GRIN2B: variants seen among roughly 807,000 people sequenced by gnomAD.
GRIN2B encodes the protein glutamate receptor ionotropic, NMDA 2B.
GRIN2B carries 5 observed loss-of-function variants against 114.5 expected under a neutral mutation model. The ratio of observed to expected loss-of-function variants is 0.04; its 90% CI spans 0.02 to 0.09. GRIN2B has a LOEUF of 0.09. Ranked by LOEUF, GRIN2B falls within the 10% of genes least tolerant of loss-of-function variation. The pLI, the probability that GRIN2B is intolerant of heterozygous loss-of-function variation, is 1.00. For missense variants in GRIN2B, 1,108 were observed against 1,943.5 expected (o/e 0.57, Z 8.08); for synonymous variants, 787 against 745.1 (o/e 1.06, Z -0.92).
At chr12:13,822,785 CCTT>C (rs34061912) in intron 3 of GRIN2B, among the ~76,000 whole-genome samples, 59,160 of 151,580 alleles carry the variant, frequency 0.39, 11,860 homozygotes, top group East Asian at 0.54. Flanking sequence ...AGGAACAAAG[CCTT>C]CTTTTGATCA....
At chr12:13,928,842 C>G (rs1866966612) in intron 2 of GRIN2B, among the ~76,000 whole-genome samples, 1 of 152,226 alleles carries the variant, frequency 6.6e-6, no homozygotes, top group South Asian at 2.1e-4. Context: ...AAAAAGTAGT[C>G]AGTCACTTAA....
chr12:13,579,072 G>A (rs1418557974), intron 10 of GRIN2B, among the ~76,000 whole-genome samples: 1 of 152,188 alleles, frequency 6.6e-6, no homozygotes, highest in Non-Finnish European at 1.5e-5. Context: ...GTGCACTGGG[G>A]CTAAGACTTA....
intron 3 of GRIN2B, among the ~76,000 whole-genome samples, chr12:13,767,084 G>T (rs1220147500): frequency 6.6e-6 from 1 of 151,816 alleles, no homozygotes; most frequent in Admixed American, 6.6e-5. Flanking sequence ...GTGAAACCCC[G>T]TCTCTACTAA....
intron 4 of GRIN2B, among the ~76,000 whole-genome samples, chr12:13,744,329 C>T (rs1184368198): frequency 5.3e-5 from 8 of 152,276 alleles, no homozygotes; most frequent in African/African-American, 1.9e-4. Context: ...AGTGTTTTAT[C>T]CAGTTTTCTT....
chr12:13,674,564 A>C (rs1950053343), intron 5 of GRIN2B, among the ~76,000 whole-genome samples: 1 of 152,028 alleles, frequency 6.6e-6, no homozygotes, highest in African/African-American at 2.4e-5. Flanking sequence ...CTCTGTGATG[A>C]GGTTGTGAAT....
At chr12:13,766,535 C>T (rs904039105) in intron 3 of GRIN2B, among the ~76,000 whole-genome samples, 5 of 152,130 alleles carry the variant, frequency 3.3e-5, no homozygotes, top group Non-Finnish European at 7.4e-5. Flanking sequence ...CCTCTGATAT[C>T]GAGTCTCAGC....
At chr12:13,594,980 C>T (rs1360432801) in intron 10 of GRIN2B, among the ~76,000 whole-genome samples, 1 of 152,178 alleles carries the variant, frequency 6.6e-6, no homozygotes, top group Non-Finnish European at 1.5e-5. Context: ...AACTGTCTGG[C>T]TCACACAGAG....
intron 2 of GRIN2B, among the ~76,000 whole-genome samples, chr12:13,969,843 T>C (rs982667400): frequency 2.0e-5 from 3 of 152,194 alleles, no homozygotes; most frequent in African/African-American, 7.2e-5. Context: ...GGGTACATAA[T>C]AAAAAGGAGA....
At chr12:13,695,123 A>G (rs1169294712) in intron 4 of GRIN2B, among the ~76,000 whole-genome samples, 1 of 152,162 alleles carries the variant, frequency 6.6e-6, no homozygotes, top group African/African-American at 2.4e-5. Context: ...AAGAGAGAAA[A>G]CTGATGTGAA....
chr12:13,570,264 A>T (rs965017470), intron 11 of GRIN2B, among the ~76,000 whole-genome samples: 1 of 152,242 alleles, frequency 6.6e-6, no homozygotes, highest in Non-Finnish European at 1.5e-5. Context: ...TTGGGCCTGA[A>T]GCCAACTCAT....
rs191327527 is a variant in GRIN2B at position 13,824,036 on chromosome 12, A to G, written c.411+41762T>C. Among the ~76,000 whole-genome samples the G allele has an allele frequency of 3.9e-5, 6 of 152,304 alleles. No individual in the cohort carries two copies. In the East Asian group the frequency reaches 1.2e-3, roughly 29 times the overall value. ...TTTTATATCTTGCTGGATTTCCATT[A>G]ACTAATGTTTTTTGAAGATTTTTGC... On this transcript the variant is annotated intron_variant, in intron 3 of 13. Coordinates refer to ENST00000609686, the MANE Select transcript of GRIN2B (RefSeq NM_000834.5).
intron 3 of GRIN2B, among the ~76,000 whole-genome samples, chr12:13,842,839 C>T (rs1325305623): frequency 6.6e-6 from 1 of 151,168 alleles, no homozygotes; most frequent in African/African-American, 2.4e-5. Context: ...ATAGCAAGGG[C>T]TCCATACATA....
chr12:13,829,877 A>T (rs1344394358), intron 3 of GRIN2B, among the ~76,000 whole-genome samples: 1 of 152,202 alleles, frequency 6.6e-6, no homozygotes, highest in Non-Finnish European at 1.5e-5. Context: ...GACCTGCCTC[A>T]AAGAGTCTTC....
At chr12:13,641,317 C>T (rs1949713275) in intron 5 of GRIN2B, among the ~76,000 whole-genome samples, 1 of 152,122 alleles carries the variant, frequency 6.6e-6, no homozygotes, top group Non-Finnish European at 1.5e-5. Context: ...AAGTGATCCT[C>T]CCACTTCAGC....
intron 4 of GRIN2B, among the ~76,000 whole-genome samples, chr12:13,739,554 C>T (rs1863245538): frequency 6.6e-6 from 1 of 152,032 alleles, no homozygotes; most frequent in Non-Finnish European, 1.5e-5. Flanking sequence ...CTGGTCTCTC[C>T]TGGCCAGAGA....
intron 4 of GRIN2B, among the ~76,000 whole-genome samples, chr12:13,695,982 A>C (rs1284239677): frequency 6.6e-6 from 1 of 152,192 alleles, no homozygotes; most frequent in African/African-American, 2.4e-5. Context: ...AGGGAGAATA[A>C]GTATAGCTCT....
At chr12:13,886,708 T>C (rs982818594) in intron 2 of GRIN2B, among the ~76,000 whole-genome samples, 3 of 152,104 alleles carry the variant, frequency 2.0e-5, no homozygotes, top group African/African-American at 7.2e-5. Flanking sequence ...CCCCAGTTCC[T>C]CTTGAGGGCC....
In GRIN2B at chr12:13,576,368, T is replaced by C. The variant is rs570595328; in HGVS notation, c.2011-4404A>G. ...AGTGGCAATTTGGGAACGAGAAAAA[T>C]TTAGCGCTGTCAAGAACCAGAATGT... is the stretch of plus-strand genomic sequence containing the variant. On this transcript the variant is annotated intron_variant, in intron 10 of 13. Coordinates refer to ENST00000609686, the MANE Select transcript of GRIN2B (RefSeq NM_000834.5). Among the ~76,000 whole-genome samples, 7 of 151,988 alleles carry C rather than the reference T, an allele frequency of 4.6e-5. No homozygotes were observed. The South Asian group carries it at 1.3e-3, about 27-fold the overall frequency.
intron 9 of GRIN2B, 42 bp downstream of exon 9, chr12:13,611,683 A>AG: frequency 6.2e-7 from 1 of 1,600,970 alleles, no homozygotes; most frequent in East Asian, 2.2e-5. Flanking sequence ...GAAAATAAGG[A>AG]GAAAAAAACT....
Sources: allele counts gnomAD v4.1 joint callset (sites outside exome capture counted in the v4.1 genomes callset), GRCh38; gene constraint gnomAD v4.1.1; transcripts MANE v1.5; gene names NCBI Gene and HGNC (gene_info 2026-07-23, HGNC 2026-07-21).